DNAJC16: variants seen among roughly 807,000 people sequenced by gnomAD.
DNAJC16 encodes the protein dnaJ homolog subfamily C member 16.
A neutral mutation model predicts 92.7 loss-of-function variants in DNAJC16; 76 were observed. That is an observed-to-expected ratio of 0.82 (90% confidence interval 0.68 to 0.99). The LOEUF is 0.99. Among genes scored for constraint, DNAJC16 ranks in the 50% least tolerant of loss-of-function variants. The probability of loss-of-function intolerance (pLI) is 0.00; values close to 1 mark genes in which losing one functional copy is unlikely to be tolerated. For synonymous variants in DNAJC16, 328 were observed against 358.7 expected, an observed-to-expected ratio of 0.91 and a Z score of 0.97; for missense variants, 869 against 942.4, an observed-to-expected ratio of 0.92 and a Z score of 1.02.
chr1:15,567,442 CCACTT>C (rs1444496915), intron 14 of DNAJC16, among the ~76,000 whole-genome samples, 173 bp downstream of exon 14: 1 of 152,176 alleles, frequency 6.6e-6, no homozygotes, highest in Non-Finnish European at 1.5e-5. Flanking sequence ...ACCTCTTTTC[CCACTT>C]CACTTCGTGT....
chr1:15,565,380 C>T (rs1465064017), intron 11 of DNAJC16: 1 of 163,436 alleles, frequency 6.1e-6, no homozygotes, highest in Non-Finnish European at 1.3e-5. Context: ...AGGACAGAAC[C>T]ACATCTCATT....
In DNAJC16 at chr1:15,566,056, G is replaced by A. The variant is rs1192999443; in HGVS notation, c.1680-26G>A. On this transcript the variant is annotated intron_variant, in intron 12 of 14. Coordinates refer to ENST00000375847, the MANE Select transcript of DNAJC16 (RefSeq NM_015291.4). ...CATGGTTGGTGTTGACACTTTTTTT[G>A]TAAAACTCCTTTTTTCTTACTTTAG... is the stretch of plus-strand genomic sequence containing the variant. 5 of 1,607,078 alleles carry A rather than the reference G, an allele frequency of 3.1e-6. No individual in the cohort carries two copies. The Admixed American group carries it at 5.1e-5, about 16-fold the overall frequency.
At chr1:15,561,108 CTT>C (rs1009666149) in intron 8 of DNAJC16, among the ~76,000 whole-genome samples, 8 of 141,466 alleles carry the variant, frequency 5.7e-5, no homozygotes, top group African/African-American at 5.2e-5. Context: ...CCCTTTTCAT[CTT>C]TTTTTTTTTT....
chr1:15,546,915 C>CTTTTCTTTTCTTT, intron 6 of DNAJC16, 44 bp downstream of exon 6: 1 of 906,246 alleles, frequency 1.1e-6, no homozygotes, highest in African/African-American at 2.1e-5. Context: ...CTTTTCTTTT[C>CTTTTCTTTTCTTT]TTTTTTTTTT....
chr1:15,549,108 G>A (rs1638381897), intron 7 of DNAJC16, among the ~76,000 whole-genome samples: 1 of 152,156 alleles, frequency 6.6e-6, no homozygotes, highest in Admixed American at 6.5e-5. Flanking sequence ...TATCTTGCTA[G>A]AGGCAGTCCA....
intron 7 of DNAJC16, among the ~76,000 whole-genome samples, chr1:15,551,564 G>C (rs1169480105): frequency 6.7e-6 from 1 of 150,210 alleles, no homozygotes; most frequent in Non-Finnish European, 1.5e-5. Context: ...CAGCTTCTCA[G>C]AATTTTCTGA....
At chr1:15,535,965 A>G (rs960392692) in intron 3 of DNAJC16, among the ~76,000 whole-genome samples, 2 of 150,220 alleles carry the variant, frequency 1.3e-5, no homozygotes, top group Admixed American at 6.6e-5. Flanking sequence ...AAGTCATGCT[A>G]TGTGGTCCAG....
At chr1:15,559,501 T>C in intron 7 of DNAJC16, 25 bp from the exon 8 acceptor site, 6 of 1,613,560 alleles carry the variant, frequency 3.7e-6, no homozygotes, top group Non-Finnish European at 5.1e-6. Flanking sequence ...GCATAAAATC[T>C]AGCTGATTCT....
intron 7 of DNAJC16, among the ~76,000 whole-genome samples, chr1:15,559,182 C>T (rs1638636355): frequency 6.6e-6 from 1 of 152,184 alleles, no homozygotes; most frequent in Non-Finnish European, 1.5e-5. Context: ...TCGTGATCTA[C>T]CCACCTCAGC....
chr1:15,566,237 C>T (rs1474566093), intron 13 of DNAJC16, 57 bp downstream of exon 13: 29 of 1,360,194 alleles, frequency 2.1e-5, no homozygotes, highest in Non-Finnish European at 3.0e-5. Context: ...CAGATCCTGT[C>T]ATCTGATAAC....
chr1:15,557,337 T>C (rs1204393795), intron 7 of DNAJC16, among the ~76,000 whole-genome samples: 2 of 152,220 alleles, frequency 1.3e-5, no homozygotes, highest in Non-Finnish European at 2.9e-5. Flanking sequence ...AACTTCTGCA[T>C]TGTAGGTAGT....
intron 1 of DNAJC16, among the ~76,000 whole-genome samples, chr1:15,527,961 A>G (rs1177552811): frequency 6.6e-6 from 1 of 152,238 alleles, no homozygotes; most frequent in Non-Finnish European, 1.5e-5. Context: ...TACCCTGTTC[A>G]TTAACCAGCC....
rs149620751 is a variant in DNAJC16 at position 15,559,530 on chromosome 1, G to A, written c.1028G>A (p.Arg343Gln). 1.2e-5 allele frequency: 20 copies of A among 1,613,828 alleles called. No individual in the cohort carries two copies. Among genetic ancestry groups the A allele is most frequent in the Middle Eastern group, 1.6e-4 (1 of 6,084 alleles). ...TGATTCTTGGTTTTTCTCTAGGCCC[G>A]AGGTATGAAGAAGCAAATCATTGAC... ...INRPADVIQARGMKKQIIDDF... is the reference protein window; with the variant it reads ...INRPADVIQAQGMKKQIIDDF... Residue 343 changes from arginine (R) to glutamine (Q), a missense_variant, in exon 8 of 15, where the codon CGA becomes CAA. Arg to Gln is a conservative substitution (Grantham distance 43, BLOSUM62 1). Transcript: ENST00000375847.
chr1:15,530,934 C>T (rs756781765), intron 2 of DNAJC16, among the ~76,000 whole-genome samples: 1 of 152,156 alleles, frequency 6.6e-6, no homozygotes, highest in African/African-American at 2.4e-5. Context: ...GTGATCCGTC[C>T]ACCTCGGCCT....
chr1:15,528,987 G>A, intron 1 of DNAJC16, 101 bp from the exon 2 acceptor site: 1 of 1,011,996 alleles, frequency 9.9e-7, no homozygotes, highest in Non-Finnish European at 1.4e-6. Context: ...AATACCTTTT[G>A]TTGGTTTTGT....
In DNAJC16 at chr1:15,562,255, A is replaced by G. The variant is rs1638707620; in HGVS notation, c.1268A>G (p.Tyr423Cys). 6.2e-7 allele frequency: 1 copy of G among 1,614,142 alleles called. No homozygotes were observed. The highest frequency in any genetic ancestry group is 8.5e-7 in the Non-Finnish European group (1 of 1,179,974). Reference sequence around the variant, plus strand: ...GACACAGTGAGATTTGTGCATGTCTACAGCAATCGGCAGCAGGAGTTTGCC... The same window carrying G: ...GACACAGTGAGATTTGTGCATGTCTGCAGCAATCGGCAGCAGGAGTTTGCC... ...TQDTVRFVHVYSNRQQEFADT... is the reference protein window; with the variant it reads ...TQDTVRFVHVCSNRQQEFADT... The change falls in exon 9 of 15, where the codon TAC becomes TGC. Residue 423 changes from tyrosine (Y) to cysteine (C), a missense_variant. Tyr to Cys is a radical substitution (Grantham distance 194, BLOSUM62 -2). Coordinates refer to ENST00000375847, the MANE Select transcript of DNAJC16 (RefSeq NM_015291.4).
intron 2 of DNAJC16, 121 bp downstream of exon 2, chr1:15,529,393 A>G: frequency 9.9e-7 from 1 of 1,005,378 alleles, no homozygotes; most frequent in Non-Finnish European, 1.4e-6. Flanking sequence ...ATATCTGTCT[A>G]AAATATTTTA....
intron 4 of DNAJC16, chr1:15,542,328 A>T (rs1425465264): frequency 6.6e-6 from 1 of 152,082 alleles, no homozygotes; most frequent in Non-Finnish European, 1.5e-5. Context: ...ATGAACATAT[A>T]TATATATTTA....
rs1400926177 is a variant in DNAJC16 at position 15,569,809 on chromosome 1, G to A, written c.*1632G>A. On this transcript the variant is annotated 3_prime_UTR_variant, in exon 15 of 15. Coordinates refer to ENST00000375847, the MANE Select transcript of DNAJC16 (RefSeq NM_015291.4). The stretch of plus-strand genomic sequence containing the variant: ...GCATGTGCCACCATGTAATTAGCCC[G>A]GCTAATTTTGTATTTTTAGTAGAGA... The A allele has an allele frequency of 2.6e-5, 4 of 151,586 alleles. No homozygotes were observed. Among genetic ancestry groups the A allele is most frequent in the Admixed American group, 6.6e-5 (1 of 15,186 alleles). The allele number at this position is 151,586 out of a possible 1,614,324, so 9.4% of individuals were successfully genotyped here. A position where few individuals can be genotyped will look rare whatever the true frequency, so the allele number is the denominator to read the frequency against.
Sources: gnomAD v4.1 joint callset for allele counts (sites outside exome capture counted in the v4.1 genomes callset) on GRCh38, gnomAD v4.1.1 for gene constraint, MANE v1.5 for transcripts, NCBI Gene and HGNC (gene_info 2026-07-23, HGNC 2026-07-21) for gene names.